The following TMCC3 variants were observed in gnomAD, a reference collection of about 807,000 sequenced individuals.
TMCC3 encodes transmembrane and coiled-coil domain protein 3.
In TMCC3, 28 loss-of-function variants were observed where a neutral mutation model predicts 40.2. The ratio of observed to expected loss-of-function variants is 0.70; its 90% CI spans 0.52 to 0.95. The LOEUF is 0.95. TMCC3 is among the 40% of genes least tolerant of loss of function. TMCC3 has a pLI of 0.00. For missense variants in TMCC3, 554 were observed against 615.2 expected (o/e 0.90, Z 1.05); for synonymous variants, 255 against 248.5 (o/e 1.03, Z -0.25).
rs769778621 is a variant in TMCC3, at chr12:94,571,500, CAAG to C, written c.1366_1368del (p.Leu456del). ...TGGTCCCAGTTTTTACAAAATATAGCAAGAAGAGTCACGGCAAAGAAGGTGCCA... is the reference window on the plus strand; with the variant it reads ...TGGTCCCAGTTTTTACAAAATATAGCAAGAGTCACGGCAAAGAAGGTGCCA... On this transcript the variant is annotated inframe_deletion, in exon 4 of 4. Coordinates refer to ENST00000261226, the MANE Select transcript of TMCC3 (RefSeq NM_020698.4). 2 of 1,614,068 alleles carry C rather than the reference CAAG, an allele frequency of 1.2e-6. No individual in the cohort carries two copies. Among genetic ancestry groups the C allele is most frequent in the Non-Finnish European group, 1.7e-6 (2 of 1,180,040 alleles).
chr12:94,638,899 T>C (rs1162424275), intron 1 of TMCC3, among the ~76,000 whole-genome samples: 1 of 152,236 alleles, frequency 6.6e-6, no homozygotes, highest in Non-Finnish European at 1.5e-5. Flanking sequence ...CAAGTGCTTA[T>C]ACTGAAATTT....
intron 2 of TMCC3, among the ~76,000 whole-genome samples, chr12:94,579,513 A>G (rs543704139): frequency 6.6e-6 from 1 of 152,264 alleles, no homozygotes. Context: ...TCTCAAAACA[A>G]CAACAACAAA....
chr12:94,602,334 G>A (rs2068757883), intron 1 of TMCC3, among the ~76,000 whole-genome samples: 1 of 152,170 alleles, frequency 6.6e-6, no homozygotes. Flanking sequence ...CGCATACTGA[G>A]AACAATCCTT....
At chr12:94,624,672 C>T (rs750622277) in intron 1 of TMCC3, among the ~76,000 whole-genome samples, 2 of 152,028 alleles carry the variant, frequency 1.3e-5, no homozygotes, top group Non-Finnish European at 1.5e-5. Context: ...CGAGATCACA[C>T]CACTGCACTC....
intron 1 of TMCC3, among the ~76,000 whole-genome samples, chr12:94,595,014 A>C (rs897206824): frequency 1.3e-5 from 2 of 152,222 alleles, no homozygotes; most frequent in African/African-American, 4.8e-5. Flanking sequence ...TAGATAAGTA[A>C]GTGAATATAA....
At chr12:94,644,394 C>T in intron 1 of TMCC3, 1 of 985,394 alleles carries the variant, frequency 1.0e-6, no homozygotes, top group South Asian at 4.7e-5. Flanking sequence ...GATTTCTGAC[C>T]TTAGCAGCAG....
At chr12:94,582,681 TC>T (rs1005189911) in intron 1 of TMCC3, 143 bp from the exon 2 acceptor site, 4 of 717,138 alleles carry the variant, frequency 5.6e-6, no homozygotes, top group Admixed American at 6.0e-5. Flanking sequence ...CCCCCTGCTG[TC>T]CCCTCCAGTT....
In TMCC3 at chr12:94,571,541, C is replaced by T. The variant is rs769722944; in HGVS notation, c.1328G>A (p.Arg443His). The change falls in exon 4 of 4, where the codon CGC (arginine) becomes CAC (histidine). Residue 443 changes from arginine to histidine, a missense_variant. Arg to His is a conservative substitution (Grantham distance 29). Transcript: ENST00000261226. The part of the protein sequence containing the change: ...AKFVSPMMKS[R>H]CHILGTFFAV... Reference sequence around the variant, plus strand: ...AAAGAAGGTGCCAAGAATGTGGCAGCGACTCTTCATCATGGGTGAGACGAA... The same window carrying T: ...AAAGAAGGTGCCAAGAATGTGGCAGTGACTCTTCATCATGGGTGAGACGAA... The T allele has an allele frequency of 4.3e-5, 70 of 1,613,938 alleles. 1 individual carries two copies. The Admixed American group carries it at 6.2e-4, about 14-fold the overall frequency.
At chr12:94,640,627 G>A (rs1013287470) in intron 1 of TMCC3, among the ~76,000 whole-genome samples, 1 of 152,174 alleles carries the variant, frequency 6.6e-6, no homozygotes, top group African/African-American at 2.4e-5. Context: ...CAGTGCAGGT[G>A]GTATGAGGCT....
At chr12:94,587,768 G>A (rs1300949772) in intron 1 of TMCC3, among the ~76,000 whole-genome samples, 1 of 152,198 alleles carries the variant, frequency 6.6e-6, no homozygotes, top group African/African-American at 2.4e-5. Context: ...TGTTAACAAT[G>A]CTGACCTTTG....
intron 1 of TMCC3, among the ~76,000 whole-genome samples, chr12:94,649,468 C>CCTGG (rs2069040402): frequency 6.6e-6 from 1 of 152,230 alleles, no homozygotes; most frequent in East Asian, 1.9e-4. Context: ...AAGAACAACT[C>CCTGG]CAGGTGCCTC....
chr12:94,636,407 G>A (rs2068961208), intron 1 of TMCC3, among the ~76,000 whole-genome samples: 1 of 152,186 alleles, frequency 6.6e-6, no homozygotes, highest in Non-Finnish European at 1.5e-5. Context: ...TTCAGCGCTT[G>A]CTATCCACTA....
chr12:94,610,319 T>C (rs2068807961), intron 1 of TMCC3, among the ~76,000 whole-genome samples: 1 of 151,908 alleles, frequency 6.6e-6, no homozygotes, highest in African/African-American at 2.4e-5. Flanking sequence ...TGGTTACATA[T>C]CATAATCTCC....
chr12:94,587,347 C>T (rs1236983686), intron 1 of TMCC3, among the ~76,000 whole-genome samples: 2 of 152,140 alleles, frequency 1.3e-5, no homozygotes, highest in East Asian at 1.9e-4. Context: ...GGAGACAGAA[C>T]CAGACAATTC....
At chr12:94,572,531 A>C (rs2068538778) in intron 3 of TMCC3, among the ~76,000 whole-genome samples, 1 of 148,902 alleles carries the variant, frequency 6.7e-6, no homozygotes, top group African/African-American at 2.5e-5. Flanking sequence ...GGCTGGTCTC[A>C]AACTCCTGAC....
At chr12:94,631,049 T>C (rs1367462720) in intron 1 of TMCC3, among the ~76,000 whole-genome samples, 1 of 152,182 alleles carries the variant, frequency 6.6e-6, no homozygotes, top group Admixed American at 6.5e-5. Context: ...GGCATAAATG[T>C]TTTCAATCAA....
At chr12:94,597,930 G>A (rs978366130) in intron 1 of TMCC3, among the ~76,000 whole-genome samples, 5 of 152,104 alleles carry the variant, frequency 3.3e-5, no homozygotes, top group African/African-American at 4.8e-5. Flanking sequence ...CAGAAATGAA[G>A]GAATTCTTTT....
intron 1 of TMCC3, among the ~76,000 whole-genome samples, chr12:94,592,419 C>A: frequency 6.6e-6 from 1 of 151,432 alleles, no homozygotes. Flanking sequence ...GTGGGTGGAT[C>A]ACTTGAGGTC....
intron 3 of TMCC3, among the ~76,000 whole-genome samples, chr12:94,573,376 C>T (rs1045432745): frequency 2.6e-5 from 4 of 152,196 alleles, no homozygotes; most frequent in African/African-American, 9.7e-5. Flanking sequence ...TTGTTCCCCA[C>T]CCTTACGAAT....
Sources: allele counts gnomAD v4.1 joint callset (sites outside exome capture counted in the v4.1 genomes callset), GRCh38; gene constraint gnomAD v4.1.1; transcripts MANE v1.5; gene names NCBI Gene and HGNC (gene_info 2026-07-23, HGNC 2026-07-21).